CCDC66: variants seen among roughly 807,000 people sequenced by gnomAD.
CCDC66 encodes coiled-coil domain-containing protein 66.
A neutral mutation model predicts 128.3 loss-of-function variants in CCDC66; 133 were observed. The ratio of observed to expected loss-of-function variants is 1.04; its 90% confidence interval spans 0.90 to 1.20. CCDC66 has a LOEUF of 1.20. Ranked by LOEUF, CCDC66 falls within the 50% of genes most tolerant of loss-of-function variation. CCDC66 has a pLI of 0.00. For synonymous variants in CCDC66, 387 were observed against 357.0 expected, an observed-to-expected ratio of 1.08 and a Z score of -0.95; for missense variants, 1,126 against 1,075.5, an observed-to-expected ratio of 1.05 and a Z score of -0.66.
At chr3:56,563,190 G>A (rs533323287) in intron 3 of CCDC66, among the ~76,000 whole-genome samples, 201 of 151,624 alleles carry the variant, frequency 1.3e-3, no homozygotes, top group Non-Finnish European at 2.3e-3. Context: ...GTGAAACCCC[G>A]TCCCTACTAA....
At chr3:56,576,234 A>G (rs978053777) in intron 7 of CCDC66, among the ~76,000 whole-genome samples, 1 of 151,266 alleles carries the variant, frequency 6.6e-6, no homozygotes, top group Non-Finnish European at 1.5e-5. Context: ...TCAGTGTACA[A>G]GTCTTACTCC....
At chr3:56,558,803 C>A (rs1009046745) in intron 1 of CCDC66, 43 bp from the exon 2 acceptor site, 12 of 1,259,702 alleles carry the variant, frequency 9.5e-6, no homozygotes, top group East Asian at 7.6e-5. Context: ...TAAAATGTTG[C>A]GGTTTGTTAA....
chr3:56,587,031 G>C (rs2069896521), intron 7 of CCDC66, among the ~76,000 whole-genome samples: 1 of 151,824 alleles, frequency 6.6e-6, no homozygotes, highest in Admixed American at 6.6e-5. Flanking sequence ...CACAGAGCAA[G>C]ACCCTGTCTC....
chr3:56,561,717 T>G (rs963454144), intron 3 of CCDC66, among the ~76,000 whole-genome samples: 4 of 152,196 alleles, frequency 2.6e-5, no homozygotes, highest in African/African-American at 9.7e-5. Flanking sequence ...ATCAGTAGTA[T>G]TTTCTTCCTT....
intron 10 of CCDC66, among the ~76,000 whole-genome samples, chr3:56,608,370 G>T (rs560721791): frequency 1.3e-5 from 2 of 151,856 alleles, no homozygotes; most frequent in African/African-American, 2.4e-5. Context: ...GTATTTTTCC[G>T]GGTCTTTATC....
At chr3:56,582,874 TTATTA>T in intron 7 of CCDC66, among the ~76,000 whole-genome samples, 1 of 146,554 alleles carries the variant, frequency 6.8e-6, no homozygotes, top group African/African-American at 2.5e-5. Context: ...ATTATTATTA[TTATTA>T]TTATTATTAT....
chr3:56,621,767 G>T lies in CCDC66; in HGVS notation c.*149G>T. 4 of 270,800 alleles carry T rather than the reference G, an allele frequency of 1.5e-5. No homozygotes were observed. The highest frequency in any genetic ancestry group is 2.8e-5 in the Non-Finnish European group (4 of 144,170). The allele number at this position is 270,800 out of a possible 1,614,324, so 16.8% of individuals were successfully genotyped here. A position where few individuals can be genotyped will look rare whatever the true frequency, so the allele number is the denominator to read the frequency against. The stretch of plus-strand genomic sequence containing the variant: ...CTTGTATACTATGTAGTAAAATGCT[G>T]TACTTGTTCTATACAATAAAACAGA... On this transcript the variant is annotated 3_prime_UTR_variant, in exon 18 of 18. Coordinates refer to ENST00000394672, the MANE Select transcript of CCDC66 (RefSeq NM_001141947.3).
intron 1 of CCDC66, 27 bp downstream of exon 1, chr3:56,557,280 T>C: frequency 6.5e-7 from 1 of 1,548,422 alleles, no homozygotes; most frequent in Non-Finnish European, 8.7e-7. Context: ...TGGGGTAAGC[T>C]GGGGTAAGCA....
rs2076075296 is a variant in CCDC66 at position 56,619,613 on chromosome 3, C to T, written c.2635+86C>T. ...AACTTTAAATTCCAAATTAGTAATTCCTGCACTTAGTTCTATAAAGTTTCT... is the reference window on the plus strand; with the variant it reads ...AACTTTAAATTCCAAATTAGTAATTTCTGCACTTAGTTCTATAAAGTTTCT... On this transcript the variant is annotated intron_variant, in intron 16 of 17. Coordinates refer to ENST00000394672, the MANE Select transcript of CCDC66 (RefSeq NM_001141947.3). 3 of 1,499,720 alleles carry T rather than the reference C, an allele frequency of 2.0e-6. No individual in the cohort carries two copies. In the Admixed American group the frequency reaches 6.6e-5, roughly 33 times the overall value. The allele number at this position is 1,499,720 out of a possible 1,614,324, so 92.9% of individuals were successfully genotyped here.
Position 56,566,646 on chromosome 3 carries a change from CAT to C in CCDC66, c.598_599del (p.Ile200TyrfsTer8). ...TTTCTAATCAGCCAAAGGATGAGAA[CAT>C]TATGGGATTATTCAAAAAAACTGAA... is the stretch of plus-strand genomic sequence containing the variant. ...SISNQPKDEN[I>X]MGLFKKTEMV... is the part of the protein sequence containing the mutation. On this transcript the variant is annotated frameshift_variant, in exon 5 of 18. Coordinates refer to ENST00000394672, the MANE Select transcript of CCDC66 (RefSeq NM_001141947.3). LOFTEE classifies it high-confidence loss of function. The C allele has an allele frequency of 6.2e-7, 1 of 1,601,214 alleles. No homozygotes were observed. The highest frequency in any genetic ancestry group is 8.6e-7 in the Non-Finnish European group (1 of 1,168,542).
At chr3:56,568,695 A>G (rs1007523366) in intron 6 of CCDC66, among the ~76,000 whole-genome samples, 4 of 152,194 alleles carry the variant, frequency 2.6e-5, no homozygotes, top group African/African-American at 4.8e-5. Context: ...AATTGATTTC[A>G]CTTTTTTAAA....
intron 7 of CCDC66, among the ~76,000 whole-genome samples, chr3:56,576,409 T>G (rs1324628039): frequency 6.6e-6 from 1 of 151,658 alleles, no homozygotes. Flanking sequence ...CATGGAATTT[T>G]TTTTTTTATT....
chr3:56,615,993 G>A lies in CCDC66; in HGVS notation c.1783G>A (p.Gly595Ser), dbSNP rs964018993. The change falls in exon 13 of 18, where the codon GGT (glycine) becomes AGT (serine). Residue 595 changes from glycine to serine, a missense_variant. Transcript: ENST00000394672. ...NSRHDSDEISGKMNTYMNSTT... is the reference protein window; with the variant it reads ...NSRHDSDEISSKMNTYMNSTT... The stretch of plus-strand genomic sequence containing the variant: ...AAGACATGATTCTGATGAAATCAGT[G>A]GTAAAATGAATACATATATGAATTC... 2 of 1,594,636 alleles carry A rather than the reference G, an allele frequency of 1.3e-6. No individual in the cohort carries two copies. Among genetic ancestry groups the A allele is most frequent in the Non-Finnish European group, 1.7e-6 (2 of 1,170,622 alleles).
rs768966220 is a variant in CCDC66, at chr3:56,618,159, A to G, written c.2338-13A>G. 1.9e-6 allele frequency: 3 copies of G among 1,601,508 alleles called. No homozygotes were observed. The highest frequency in any genetic ancestry group is 2.2e-5 in the East Asian group (1 of 44,810). On this transcript the variant is annotated splice_polypyrimidine_tract_variant and intron_variant, in intron 14 of 17. Coordinates refer to ENST00000394672, the MANE Select transcript of CCDC66 (RefSeq NM_001141947.3). ...TATATATTCCTTTCTGCATTTATCT[A>G]TCCATATTTTAGGAAGAAGAGCCTC...
chr3:56,582,875 T>TATTATTATC (rs1553682934), intron 7 of CCDC66, among the ~76,000 whole-genome samples: 2 of 146,756 alleles, frequency 1.4e-5, no homozygotes, highest in African/African-American at 4.9e-5. Flanking sequence ...TTATTATTAT[T>TATTATTATC]ATTATTATTA....
At chr3:56,593,123 C>CT (rs1166310271) in intron 8 of CCDC66, 22 bp downstream of exon 8, 1 of 1,517,174 alleles carries the variant, frequency 6.6e-7, no homozygotes, top group Admixed American at 2.2e-5. Flanking sequence ...GGTTTTGTGG[C>CT]TATAAAAGAA....
chr3:56,618,201 C>G lies in CCDC66; in HGVS notation c.2367C>G (p.Phe789Leu), dbSNP rs2107417057. ...KEEEPLNIHSFSKERSPSSPV... is the reference protein window; with the variant it reads ...KEEEPLNIHSLSKERSPSSPV... Reference sequence around the variant, plus strand: ...AAGAGCCTCTGAATATTCATTCATTCAGCAAGGAAAGGTAAGTATGCATCA... The same window carrying G: ...AAGAGCCTCTGAATATTCATTCATTGAGCAAGGAAAGGTAAGTATGCATCA... The change falls in exon 15 of 18, where the codon TTC (phenylalanine) becomes TTG (leucine). Residue 789 changes from phenylalanine (F) to leucine (L), a missense_variant. Coordinates refer to ENST00000394672, the MANE Select transcript of CCDC66 (RefSeq NM_001141947.3). 3.1e-6 allele frequency: 5 copies of G among 1,612,970 alleles called. No homozygotes were observed. Among genetic ancestry groups the G allele is most frequent in the Non-Finnish European group, 4.2e-6 (5 of 1,179,062 alleles).
chr3:56,584,874 A>C, intron 7 of CCDC66, among the ~76,000 whole-genome samples: 1 of 151,906 alleles, frequency 6.6e-6, no homozygotes, highest in East Asian at 2.0e-4. Context: ...CAGATCACTC[A>C]CGGTTAGGAG....
intron 10 of CCDC66, among the ~76,000 whole-genome samples, chr3:56,604,382 T>C (rs1021660578): frequency 6.6e-6 from 1 of 152,084 alleles, no homozygotes; most frequent in Non-Finnish European, 1.5e-5. Flanking sequence ...CGATGGTCTT[T>C]ACAATTTGGT....
Sources: allele counts gnomAD v4.1 joint callset (sites outside exome capture counted in the v4.1 genomes callset), GRCh38; gene constraint gnomAD v4.1.1; transcripts MANE v1.5; gene names NCBI Gene and HGNC (gene_info 2026-07-23, HGNC 2026-07-21).